The following TTLL6 variants were observed in gnomAD, a reference collection of about 807,000 sequenced individuals.
The protein encoded by TTLL6 is tubulin tyrosine ligase like 6.
A neutral mutation model predicts 96.4 loss-of-function variants in TTLL6; 75 were observed. That is an observed-to-expected ratio of 0.78 (90% confidence interval 0.65 to 0.94). The LOEUF is 0.94. Among genes scored for constraint, TTLL6 ranks in the 40% least tolerant of loss-of-function variants. The pLI is 0.00. For missense variants in TTLL6, 1,030 were observed against 1,093.0 expected, an observed-to-expected ratio of 0.94 and a Z score of 0.81; for synonymous variants, 411 against 419.4, an observed-to-expected ratio of 0.98 and a Z score of 0.24.
intron 11 of TTLL6, among the ~76,000 whole-genome samples, chr17:48,787,455 A>G (rs1345398304): frequency 6.6e-6 from 1 of 152,078 alleles, no homozygotes. Context: ...CAGGGGTGCA[A>G]TCACAGCTCC....
intron 15 of TTLL6, among the ~76,000 whole-genome samples, chr17:48,763,559 G>A (rs1308187023): frequency 2.0e-5 from 3 of 152,168 alleles, no homozygotes; most frequent in Non-Finnish European, 4.4e-5. Context: ...CTCTTTGGGA[G>A]GCTGAGGCAG....
intron 15 of TTLL6, among the ~76,000 whole-genome samples, chr17:48,767,555 C>T (rs185305651): frequency 2.6e-5 from 4 of 152,282 alleles, no homozygotes; most frequent in Non-Finnish European, 4.4e-5. Context: ...GGCCCTCCTG[C>T]AGTGTGAGCT....
At chr17:48,788,338 T>A (rs1384805311) in intron 10 of TTLL6, among the ~76,000 whole-genome samples, 1 of 152,216 alleles carries the variant, frequency 6.6e-6, no homozygotes, top group Non-Finnish European at 1.5e-5. Flanking sequence ...TGATTACCCT[T>A]TTCTAGAGAG....
chr17:48,770,823 C>G (rs1004434185), intron 13 of TTLL6, among the ~76,000 whole-genome samples: 4 of 151,712 alleles, frequency 2.6e-5, no homozygotes, highest in Admixed American at 1.3e-4. Context: ...CTCCTGGAGG[C>G]AGGAGAATCA....
intron 8 of TTLL6, among the ~76,000 whole-genome samples, chr17:48,795,050 G>A (rs1044893724): frequency 3.9e-5 from 6 of 152,120 alleles, no homozygotes; most frequent in Non-Finnish European, 7.4e-5. Flanking sequence ...AGAATAGGCC[G>A]GGCGCGGTGG....
chr17:48,812,675 G>A (rs1374067046), intron 1 of TTLL6, among the ~76,000 whole-genome samples: 2 of 152,212 alleles, frequency 1.3e-5, no homozygotes, highest in African/African-American at 2.4e-5. Flanking sequence ...CCTGATGGAA[G>A]AGGCTGTGTC....
intron 8 of TTLL6, among the ~76,000 whole-genome samples, chr17:48,793,325 C>A (rs906310802): frequency 4.6e-5 from 7 of 152,128 alleles, no homozygotes; most frequent in African/African-American, 2.4e-5. Context: ...GGCCAGGGCA[C>A]CATTGTAACC....
chr17:48,776,277 C>T (rs2038868372), intron 13 of TTLL6, among the ~76,000 whole-genome samples: 2 of 151,996 alleles, frequency 1.3e-5, no homozygotes, highest in Non-Finnish European at 1.5e-5. Flanking sequence ...CCATCCTGGC[C>T]AACATGGTAA....
intron 13 of TTLL6, among the ~76,000 whole-genome samples, chr17:48,777,011 GACACACACACACAC>G (rs71369215): frequency 1.9e-4 from 27 of 141,496 alleles, no homozygotes; most frequent in East Asian, 1.2e-3. Context: ...CATAAGGATA[GACACACACACACAC>G]ACACACACAC....
At chr17:48,807,279 G>A (rs1440615801) in intron 1 of TTLL6, among the ~76,000 whole-genome samples, 6 of 150,550 alleles carry the variant, frequency 4.0e-5, no homozygotes, top group African/African-American at 1.5e-4. Flanking sequence ...TAGTAGAGAT[G>A]GGGGTTTCTC....
intron 6 of TTLL6, among the ~76,000 whole-genome samples, chr17:48,797,787 C>CG (rs2039344661): frequency 5.1e-5 from 3 of 58,634 alleles, no homozygotes; most frequent in Admixed American, 2.2e-4. Context: ...AACTCCATCT[C>CG]AAAAAAAAAA....
In TTLL6 at chr17:48,763,082, T is replaced by C. The variant is rs577844423; in HGVS notation, c.*1-109A>G. On this transcript the variant is annotated intron_variant, in intron 15 of 15. Coordinates refer to ENST00000393382, the MANE Select transcript of TTLL6 (RefSeq NM_001130918.3). ...CCTATCTAGTGGATCAAGAGACGCT[T>C]AGGTGACTTATATCTGTAGTCACCA... 9 of 367,410 alleles carry C rather than the reference T, an allele frequency of 2.4e-5. No homozygotes were observed. The East Asian group carries it at 3.0e-4, about 12-fold the overall frequency. 22.8% of individuals were successfully genotyped at this position (367,410 alleles called of 1,614,324 possible). A position where few individuals can be genotyped will look rare whatever the true frequency, so the allele number is the denominator to read the frequency against.
At chr17:48,795,049 C>T (rs1307929326) in intron 8 of TTLL6, among the ~76,000 whole-genome samples, 1 of 152,096 alleles carries the variant, frequency 6.6e-6, no homozygotes, top group Non-Finnish European at 1.5e-5. Context: ...AAGAATAGGC[C>T]GGGCGCGGTG....
intron 6 of TTLL6, among the ~76,000 whole-genome samples, chr17:48,797,661 C>T (rs1337565633): frequency 6.6e-6 from 1 of 151,722 alleles, no homozygotes; most frequent in Non-Finnish European, 1.5e-5. Flanking sequence ...GTGGTGGGCC[C>T]CTGTAATCCC....
At chr17:48,795,551 A>G (rs377646463) in intron 8 of TTLL6, among the ~76,000 whole-genome samples, 1 of 151,886 alleles carries the variant, frequency 6.6e-6, no homozygotes, top group East Asian at 1.9e-4. Flanking sequence ...TCGTGAAGAT[A>G]CTCTCATGAA....
At position 48,817,027 on chromosome 17, in the gene TTLL6, C is replaced by T; in HGVS notation, c.46G>A (p.Val16Met). Residue 16 changes from valine to methionine, a missense_variant, in exon 1 of 16, where the codon GTG (valine) becomes ATG (methionine). Physicochemically the swap from Val to Met is conservative, Grantham distance 21. Transcript: ENST00000393382. ...GGGCTGCTAGTCCAGCTTGCAACCA[C>T]ACCTGCCGGCCCCCTCCTCGAAGGA... The part of the protein sequence containing the change: ...LHPSRRGPAG[V>M]VASWTSSPAG... 1 of 1,544,540 alleles carries T rather than the reference C, an allele frequency of 6.5e-7. No individual in the cohort carries two copies.
intron 1 of TTLL6, chr17:48,815,489 T>G (rs926357416): frequency 3.3e-5 from 5 of 152,234 alleles, no homozygotes; most frequent in African/African-American, 1.2e-4. Flanking sequence ...CAACTCAGTA[T>G]GTCATAAAAA....
chr17:48,778,827 G>C (rs1035635444), intron 13 of TTLL6, among the ~76,000 whole-genome samples: 2 of 151,862 alleles, frequency 1.3e-5, no homozygotes, highest in African/African-American at 4.8e-5. Context: ...CTACTCAGGA[G>C]GCTGAGGCAG....
intron 13 of TTLL6, among the ~76,000 whole-genome samples, chr17:48,782,654 G>C (rs2143295848): frequency 6.6e-6 from 1 of 152,252 alleles, no homozygotes; most frequent in Non-Finnish European, 1.5e-5. Flanking sequence ...TTCAAACCAT[G>C]GGTTGTAAAC....
Sources: gnomAD v4.1 joint callset for allele counts (sites outside exome capture counted in the v4.1 genomes callset) on GRCh38, gnomAD v4.1.1 for gene constraint, MANE v1.5 for transcripts, NCBI Gene and HGNC (gene_info 2026-07-23, HGNC 2026-07-21) for gene names.